Variants in WDR4 observed in about 807,000 individuals in gnomAD.
WDR4 encodes WDR4 tRNA N7-guanosine methyltransferase non-catalytic subunit.
A neutral mutation model predicts 48.6 loss-of-function variants in WDR4; 47 were observed. The observed-to-expected ratio is 0.97, with a 90% CI of 0.77 to 1.23. The LOEUF is 1.23. Ranked by LOEUF, WDR4 falls within the 50% of genes most tolerant of loss-of-function variation. The probability of loss-of-function intolerance (pLI) is 0.00; values close to 1 mark genes in which losing one functional copy is unlikely to be tolerated. For synonymous variants in WDR4, 268 were observed against 230.0 expected (o/e 1.17, Z -1.49); for missense variants, 606 against 551.6 (o/e 1.10, Z -0.99).
Position 42,865,006 on chromosome 21 carries a change from G to A in WDR4, c.297-1410C>T, listed in dbSNP as rs372918840. Among the ~76,000 whole-genome samples the A allele has an allele frequency of 1.4e-4, 21 of 152,278 alleles. No homozygotes were observed. In the South Asian group the frequency reaches 4.1e-3, roughly 30 times the overall value. On this transcript the variant is annotated intron_variant, in intron 3 of 10. Transcript: ENST00000398208. ...CAGGGCGCCCGGCCCACTGCGGCTG[G>A]AAATTGAGATGGAAGCTTCAGGAAC...
At chr21:42,879,214 G>A (rs8127072) in intron 1 of WDR4, 193 bp downstream of exon 1, 1 of 1,312,306 alleles carries the variant, frequency 7.6e-7, no homozygotes, top group Non-Finnish European at 9.7e-7. Context: ...AGAGCGGACG[G>A]CGAAAGCGGA....
chr21:42,867,399 A>T (rs568533612), intron 3 of WDR4, among the ~76,000 whole-genome samples: 11 of 151,690 alleles, frequency 7.3e-5, no homozygotes, highest in African/African-American at 2.7e-4. Context: ...CCACCAAAAA[A>T]AAAAAAAAAA....
chr21:42,887,307 TTTTTTTTA>T, the WDR4 span, among the ~76,000 whole-genome samples: 1 of 151,078 alleles, frequency 6.6e-6, no homozygotes, highest in African/African-American at 2.4e-5. Flanking sequence ...TTTTTTTTTT[TTTTTTTTA>T]TTTTATAAAG....
chr21:42,886,349 TATTC>T, the WDR4 span, among the ~76,000 whole-genome samples: 1 of 151,844 alleles, frequency 6.6e-6, no homozygotes, highest in Non-Finnish European at 1.5e-5. Flanking sequence ...ATTATCATCT[TATTC>T]AGAAAGCGTA....
the WDR4 span, among the ~76,000 whole-genome samples, chr21:42,892,564 T>TGTG: frequency 0.64 from 97,637 of 151,820 alleles, 33,122 homozygotes; most frequent in African/African-American, 0.86. Flanking sequence ...AAGCTGAAGG[T>TGTG]GGCACGTCCA....
At chr21:42,888,797 T>C in the WDR4 span, among the ~76,000 whole-genome samples, 1 of 151,700 alleles carries the variant, frequency 6.6e-6, no homozygotes, top group Non-Finnish European at 1.5e-5. Context: ...GCCTCCTGGA[T>C]TCAAGCAATT....
chr21:42,849,770 G>A lies in WDR4; in HGVS notation c.*279C>T, dbSNP rs376346983. On this transcript the variant is annotated 3_prime_UTR_variant, in exon 11 of 11. Transcript: ENST00000398208. The stretch of plus-strand genomic sequence containing the variant: ...AACACAGACAGCTGCCGCCACCACC[G>A]GCTCACACGCAGCCTCCGACATGAA... The A allele has an allele frequency of 2.9e-4, 106 of 369,414 alleles. 2 individuals are homozygous for A. The South Asian group carries it at 4.1e-3, about 14-fold the overall frequency. 22.9% of individuals were successfully genotyped at this position (369,414 alleles called of 1,614,324 possible).
intron 5 of WDR4, 126 bp from the exon 6 acceptor site, chr21:42,859,848 A>C: frequency 1.0e-6 from 1 of 960,198 alleles, no homozygotes; most frequent in Non-Finnish European, 1.6e-6. Context: ...GATCCAATAA[A>C]AACAGCCAAC....
At chr21:42,887,454 T>C in the WDR4 span, among the ~76,000 whole-genome samples, 1 of 152,144 alleles carries the variant, frequency 6.6e-6, no homozygotes, top group Non-Finnish European at 1.5e-5. Flanking sequence ...CTCTACTTGT[T>C]ACTGCAATAT....
In WDR4 at chr21:42,873,535, C is replaced by T. The variant is rs774773620; in HGVS notation, c.296+16G>A. The T allele has an allele frequency of 1.7e-5, 27 of 1,613,536 alleles. No individual in the cohort carries two copies. Among genetic ancestry groups the T allele is most frequent in the South Asian group, 1.5e-4 (14 of 91,012 alleles). ...TGCATTCGACATCTTAAGAATCCAGCGTTAGCATCTCATACCTGACACTCA... is the reference window on the plus strand; with the variant it reads ...TGCATTCGACATCTTAAGAATCCAGTGTTAGCATCTCATACCTGACACTCA... On this transcript the variant is annotated intron_variant, in intron 3 of 10. Coordinates refer to ENST00000398208, the MANE Select transcript of WDR4 (RefSeq NM_018669.6).
intron 7 of WDR4, 27 bp from the exon 8 acceptor site, chr21:42,854,653 T>C (rs1311163388): frequency 6.2e-7 from 1 of 1,609,340 alleles, no homozygotes; most frequent in South Asian, 1.1e-5. Context: ...CCCATTAACT[T>C]CACGCCACCT....
rs113849707 is a variant in WDR4 at position 42,859,922 on chromosome 21, T to A, written c.567-200A>T. Among the ~76,000 whole-genome samples the A allele has an allele frequency of 0.022, 3,279 of 152,094 alleles. 43 individuals are homozygous for A. Among genetic ancestry groups the A allele is most frequent in the Middle Eastern group, 0.054 (16 of 294 alleles). ...ACCAGGTGGAGGCCCCTGGACGCAG[T>A]CGGGGAGGTGAGTGAGGTCATTCCT... On this transcript the variant is annotated intron_variant, in intron 5 of 10. Transcript: ENST00000398208.
At chr21:42,858,474 G>A (rs1708343894) in intron 6 of WDR4, among the ~76,000 whole-genome samples, 1 of 152,192 alleles carries the variant, frequency 6.6e-6, no homozygotes, top group African/African-American at 2.4e-5. Flanking sequence ...GGACTTCTAC[G>A]CCAAACTAAC....
Position 42,859,598 on chromosome 21 carries a change from C to CGG in WDR4, c.627+63_627+64insCC. ...CCACAGGGGCCAGGTCCAGGAGGCG[C>CGG]CCACCCCACCCTCCCTGCAGGCTCA... On this transcript the variant is annotated intron_variant, in intron 6 of 10. Transcript: ENST00000398208. 5 of 305,686 alleles carry CGG rather than the reference C, an allele frequency of 1.6e-5. 1 individual carries two copies. The highest frequency in any genetic ancestry group is 3.3e-5 in the Non-Finnish European group (5 of 151,244). The allele number at this position is 305,686 out of a possible 1,614,324, so 18.9% of individuals were successfully genotyped here.
chr21:42,845,133 C>G (rs1297693165), downstream of WDR4, among the ~76,000 whole-genome samples: 5 of 152,202 alleles, frequency 3.3e-5, no homozygotes, highest in Non-Finnish European at 7.3e-5. Context: ...CATACAATCA[C>G]CCTCCCACTA....
At chr21:42,845,118 G>C (rs143764308), downstream of WDR4, among the ~76,000 whole-genome samples, 10 of 152,322 alleles carry the variant, frequency 6.6e-5, no homozygotes, top group East Asian at 1.9e-3. Flanking sequence ...ATATCTGCAC[G>C]TGCACATACA....
intron 2 of WDR4, 146 bp downstream of exon 2, chr21:42,876,556 T>C: frequency 1.5e-6 from 1 of 685,046 alleles, no homozygotes; most frequent in Non-Finnish European, 2.4e-6. Flanking sequence ...TACTTTTACA[T>C]GTCTCTCCTG....
intron 6 of WDR4, among the ~76,000 whole-genome samples, chr21:42,856,196 C>T (rs573643515): frequency 1.3e-5 from 2 of 152,272 alleles, no homozygotes; most frequent in Non-Finnish European, 2.9e-5. Context: ...CGGGGAGACA[C>T]GTGTGGGCTC....
chr21:42,879,167 GTGCAA>G (rs2058570916), intron 1 of WDR4: 1 of 1,331,244 alleles, frequency 7.5e-7, no homozygotes, highest in Non-Finnish European at 9.6e-7. Flanking sequence ...CAGCCATCTA[GTGCAA>G]GGAGCGCGCC....
Sources: allele counts gnomAD v4.1 joint callset (sites outside exome capture counted in the v4.1 genomes callset), GRCh38; gene constraint gnomAD v4.1.1; transcripts MANE v1.5; gene names NCBI Gene and HGNC (gene_info 2026-07-23, HGNC 2026-07-21).